The following OTOG variants were observed in gnomAD, a reference collection of about 807,000 sequenced individuals.
OTOG encodes the protein otogelin.
Under a neutral mutation model 313.8 loss-of-function variants are expected in OTOG, and 296 were observed. The ratio of observed to expected loss-of-function variants is 0.94; its 90% CI spans 0.86 to 1.04. OTOG has a LOEUF of 1.04. OTOG is among the 50% of genes least tolerant of loss of function. The probability of loss-of-function intolerance (pLI) is 0.00; values close to 1 mark genes in which losing one functional copy is unlikely to be tolerated. For missense variants in OTOG, 3,948 were observed against 3,840.1 expected, an observed-to-expected ratio of 1.03 and a Z score of -0.74; for synonymous variants, 1,533 against 1,554.9, an observed-to-expected ratio of 0.99 and a Z score of 0.33.
intron 31 of OTOG, among the ~76,000 whole-genome samples, chr11:17,600,771 G>T (rs1590032908): frequency 1.3e-5 from 2 of 152,318 alleles, no homozygotes; most frequent in South Asian, 2.1e-4. Flanking sequence ...TCAGCAAGAT[G>T]GAGCTGTTTC....
rs148584071 is a variant in OTOG at position 17,580,517 on chromosome 11, C to T, written c.2759+1991C>T. 8.5e-5 allele frequency among the ~76,000 whole-genome samples: 13 copies of T among 152,328 alleles called. No homozygotes were observed. In the East Asian group the frequency reaches 1.9e-3, roughly 23 times the overall value. Reference sequence around the variant, plus strand: ...GGCACCTTGAGGACCGAGGCCAAAGCCTTGAGTCCTTGCATGCTCTTCCCC... The same window carrying T: ...GGCACCTTGAGGACCGAGGCCAAAGTCTTGAGTCCTTGCATGCTCTTCCCC... On this transcript the variant is annotated intron_variant, in intron 23 of 55. Transcript: ENST00000399397.
intron 4 of OTOG, 91 bp downstream of exon 4, chr11:17,552,166 C>T (rs1851951116): frequency 3.1e-6 from 4 of 1,289,084 alleles, no homozygotes; most frequent in Non-Finnish European, 4.4e-6. Flanking sequence ...GGGCTTCCCT[C>T]AGGCCTCCAT....
chr11:17,585,723 G>A (rs1411007395), intron 23 of OTOG, among the ~76,000 whole-genome samples: 1 of 152,134 alleles, frequency 6.6e-6, no homozygotes, highest in African/African-American at 2.4e-5. Flanking sequence ...CTATAGTCCA[G>A]AAAGTGCTTC....
intron 15 of OTOG, among the ~76,000 whole-genome samples, chr11:17,565,767 C>T (rs1378221324): frequency 6.6e-6 from 1 of 152,196 alleles, no homozygotes; most frequent in African/African-American, 2.4e-5. Flanking sequence ...GGAGATCATA[C>T]AGTTGACTCC....
intron 15 of OTOG, among the ~76,000 whole-genome samples, chr11:17,565,456 A>T (rs1852276870): frequency 6.6e-6 from 1 of 152,112 alleles, no homozygotes; most frequent in Non-Finnish European, 1.5e-5. Context: ...TGGTGGAGGT[A>T]GTGTTTTTCA....
intron 39 of OTOG, among the ~76,000 whole-genome samples, chr11:17,617,657 A>G (rs1194813338): frequency 1.3e-5 from 2 of 152,204 alleles, no homozygotes; most frequent in Non-Finnish European, 2.9e-5. Context: ...TATGTGCCAT[A>G]TCTAATTCCT....
At chr11:17,599,915 G>A (rs758418306) in intron 31 of OTOG, among the ~76,000 whole-genome samples, 2 of 152,206 alleles carry the variant, frequency 1.3e-5, no homozygotes, top group Non-Finnish European at 2.9e-5. Flanking sequence ...CCCTGTCCGG[G>A]GCCCAGGCAG....
chr11:17,607,557 A>G (rs928950219), intron 33 of OTOG, among the ~76,000 whole-genome samples: 2 of 152,212 alleles, frequency 1.3e-5, no homozygotes, highest in African/African-American at 4.8e-5. Context: ...TCCTAGGACG[A>G]TGATGAGGTT....
intron 54 of OTOG, 150 bp downstream of exon 54, chr11:17,643,656 C>T: frequency 2.0e-6 from 1 of 496,520 alleles, no homozygotes; most frequent in Non-Finnish European, 3.3e-6. Context: ...ACCCACACCA[C>T]AGGGCTCACG....
chr11:17,589,964 G>A (rs942293328), intron 24 of OTOG, among the ~76,000 whole-genome samples: 3 of 151,704 alleles, frequency 2.0e-5, no homozygotes, highest in Admixed American at 6.6e-5. Flanking sequence ...CTTTTCCTCC[G>A]ACCTCTCTTC....
At chr11:17,572,248 G>A (rs1316472691) in intron 18 of OTOG, 44 bp downstream of exon 18, 1 of 1,547,504 alleles carries the variant, frequency 6.5e-7, no homozygotes, top group East Asian at 2.4e-5. Context: ...GAGTGGGGTG[G>A]GGAGGACTGC....
chr11:17,635,116 C>T lies in OTOG; in HGVS notation c.7622C>T (p.Pro2541Leu). The change falls in exon 46 of 56, where the codon CCC (proline) becomes CTC (leucine). Residue 2541 changes from proline to leucine, a missense_variant. By Grantham distance (98) the Pro-to-Leu change is moderately conservative. Transcript: ENST00000399397. ...GATCTCTGTGAGGCAGAGCTGGTCC[C>T]CAGCTGCCGACAGGACCAGATCCTG... is the stretch of plus-strand genomic sequence containing the variant. ...DPDLCEAELV[P>L]SCRQDQILIT... The T allele has an allele frequency of 6.5e-7, 1 of 1,549,348 alleles. No homozygotes were observed. Among genetic ancestry groups the T allele is most frequent in the African/African-American group, 1.4e-5 (1 of 73,120 alleles).
intron 49 of OTOG, 50 bp downstream of exon 49, chr11:17,639,513 T>C (rs1390775453): frequency 1.3e-6 from 2 of 1,525,510 alleles, no homozygotes; most frequent in Admixed American, 2.0e-5. Flanking sequence ...CCCCTTTCCT[T>C]TCCTCTCTAT....
At chr11:17,556,004 A>T (rs552734590) in intron 7 of OTOG, 107 bp downstream of exon 7, 5 of 853,172 alleles carry the variant, frequency 5.9e-6, no homozygotes, top group South Asian at 5.2e-5. Flanking sequence ...TTTTCTGGGG[A>T]CAAACAGCAA....
In OTOG at chr11:17,610,552, G is replaced by C. The variant is rs185432248; in HGVS notation, c.5252G>C (p.Arg1751Pro). The C allele has an allele frequency of 1.9e-6, 3 of 1,549,836 alleles. No homozygotes were observed. The highest frequency in any genetic ancestry group is 2.6e-6 in the Non-Finnish European group (3 of 1,146,750). ...QPHPLPSAPP[R>P]PAQHTTMATR... ...CACCCACTCCCCTCTGCACCACCCCGCCCAGCCCAGCATACCACCATGGCC... is the reference window on the plus strand; with the variant it reads ...CACCCACTCCCCTCTGCACCACCCCCCCCAGCCCAGCATACCACCATGGCC... Residue 1751 changes from arginine (R) to proline (P), a missense_variant, in exon 36 of 56, where the codon CGC (arginine) becomes CCC (proline). By Grantham distance (103) the Arg-to-Pro change is moderately radical. Transcript: ENST00000399397.
At chr11:17,618,736 A>G (rs1044056511) in intron 39 of OTOG, among the ~76,000 whole-genome samples, 1 of 152,172 alleles carries the variant, frequency 6.6e-6, no homozygotes, top group Non-Finnish European at 1.5e-5. Flanking sequence ...TCTGTTATTT[A>G]GGTGCATAAC....
chr11:17,605,612 A>G lies in OTOG; in HGVS notation c.3878-245A>G, dbSNP rs149761970. ...GGGGAGGGAAGGAGATAGTTCAATT[A>G]CCTTCCCGAGGCTTAGCAGCTGGGG... On this transcript the variant is annotated intron_variant, in intron 32 of 55. Transcript: ENST00000399397. Among the ~76,000 whole-genome samples, 792 of 152,038 alleles carry G rather than the reference A, an allele frequency of 5.2e-3. 6 individuals carry two copies. Among genetic ancestry groups the G allele is most frequent in the African/African-American group, 0.018 (742 of 41,442 alleles).
At chr11:17,579,614 G>A (rs1275949439) in intron 23 of OTOG, among the ~76,000 whole-genome samples, 1 of 152,226 alleles carries the variant, frequency 6.6e-6, no homozygotes, top group Admixed American at 6.5e-5. Flanking sequence ...AAGAGAACCT[G>A]CAAGCAACCC....
In OTOG at chr11:17,612,155, T is replaced by C. The variant is rs1179366656; in HGVS notation, c.6124-7T>C. Reference sequence around the variant, plus strand: ...GGTCACTCACACTTCCTCCACTCTGTACCCAGCCAATCGCCGAGCAGGACT... The same window carrying C: ...GGTCACTCACACTTCCTCCACTCTGCACCCAGCCAATCGCCGAGCAGGACT... On this transcript the variant is annotated splice_polypyrimidine_tract_variant and splice_region_variant and intron_variant, in intron 36 of 55. Transcript: ENST00000399397. 6.5e-7 allele frequency: 1 copy of C among 1,549,060 alleles called. No homozygotes were observed. Among genetic ancestry groups the C allele is most frequent in the Non-Finnish European group, 8.7e-7 (1 of 1,146,956 alleles).
Sources: allele counts gnomAD v4.1 joint callset (sites outside exome capture counted in the v4.1 genomes callset), GRCh38; gene constraint gnomAD v4.1.1; transcripts MANE v1.5; gene names NCBI Gene and HGNC (gene_info 2026-07-23, HGNC 2026-07-21).